GRIA3: variants seen among roughly 807,000 people sequenced by gnomAD.
GRIA3 encodes the protein glutamate ionotropic receptor AMPA type subunit 3.
In GRIA3, 3 loss-of-function variants were observed where a neutral mutation model predicts 63.0. The observed-to-expected ratio is 0.05, with a 90% CI of 0.02 to 0.12. The LOEUF is 0.12. GRIA3 is among the 10% of genes least tolerant of loss of function. The pLI, the probability that GRIA3 is intolerant of heterozygous loss-of-function variation, is 1.00. For missense variants in GRIA3, 347 were observed against 700.9 expected, an observed-to-expected ratio of 0.50 and a Z score of 5.70; for synonymous variants, 274 against 257.9, an observed-to-expected ratio of 1.06 and a Z score of -0.60.
intron 7 of GRIA3, among the ~76,000 whole-genome samples, chrX:123,399,853 G>C (rs1046218026): frequency 1.3e-4 from 15 of 111,749 alleles, no homozygotes; most frequent in Non-Finnish European, 3.8e-5. Flanking sequence ...AGTAGCCCTT[G>C]TGTCTCTCTT....
intron 2 of GRIA3, among the ~76,000 whole-genome samples, chrX:123,200,237 G>T (rs1209522651): frequency 9.1e-6 from 1 of 110,135 alleles, no homozygotes; most frequent in African/African-American, 3.3e-5. Flanking sequence ...GAAAACACTT[G>T]TATTATTATA....
At chrX:123,292,604 C>T (rs988037375) in intron 3 of GRIA3, among the ~76,000 whole-genome samples, 2 of 111,346 alleles carry the variant, frequency 1.8e-5, no homozygotes, top group Non-Finnish European at 3.8e-5. Flanking sequence ...GATAAATAAA[C>T]GGCTCTCACA....
At chrX:123,473,826 T>A (rs1344834369) in intron 13 of GRIA3, among the ~76,000 whole-genome samples, 1 of 112,089 alleles carries the variant, frequency 8.9e-6, no homozygotes, top group Non-Finnish European at 1.9e-5. Context: ...TAATTGACTA[T>A]GCAAATGCAC....
At chrX:123,268,170 C>T (rs918821948) in intron 3 of GRIA3, among the ~76,000 whole-genome samples, 1 of 111,737 alleles carries the variant, frequency 8.9e-6, no homozygotes, top group African/African-American at 3.2e-5. Context: ...ATGTTTTATA[C>T]TTGCTTAAGA....
chrX:123,380,406 A>ATT (rs199853650), intron 5 of GRIA3, among the ~76,000 whole-genome samples: 1 of 110,905 alleles, frequency 9.0e-6, no homozygotes, highest in African/African-American at 3.3e-5. Context: ...GATGATGAGC[A>ATT]TTTTTTTCAT....
At chrX:123,264,251 G>A (rs779901289) in intron 3 of GRIA3, among the ~76,000 whole-genome samples, 1 of 112,217 alleles carries the variant, frequency 8.9e-6, no homozygotes, top group African/African-American at 3.2e-5. Context: ...GGAGCATTCT[G>A]TCTGGTTTCA....
intron 4 of GRIA3, among the ~76,000 whole-genome samples, chrX:123,328,711 C>T (rs5911592): frequency 0.19 from 21,507 of 110,932 alleles, 1,656 homozygotes; most frequent in Non-Finnish European, 0.22. Context: ...AAGAACATTT[C>T]AGAAGTTCCA....
At position 123,229,786 on chromosome X, in the gene GRIA3, T is replaced by C. The variant is rs1361779081; in HGVS notation, c.269-23517T>C. ...GTCATTGGCTTAGTGAGATAAGTCA[T>C]TGTAGCTTAACAGAAAGATAATAGC... On this transcript the variant is annotated intron_variant, in intron 2 of 15. Transcript: ENST00000620443. Among the ~76,000 whole-genome samples, 4 of 112,058 alleles carry C rather than the reference T, an allele frequency of 3.6e-5. No homozygotes were observed. In the Admixed American group the frequency reaches 3.8e-4, roughly 11 times the overall value.
At chrX:123,397,635 T>C (rs1472270897) in intron 6 of GRIA3, among the ~76,000 whole-genome samples, 6 of 112,117 alleles carry the variant, frequency 5.4e-5, no homozygotes, top group Non-Finnish European at 1.1e-4. Context: ...GAAAGACAAG[T>C]AACGTGAGAA....
At chrX:123,187,751 TC>T (rs1166445724) in intron 2 of GRIA3, among the ~76,000 whole-genome samples, 2 of 112,044 alleles carry the variant, frequency 1.8e-5, no homozygotes, top group African/African-American at 6.5e-5. Flanking sequence ...AGGTTTTTGG[TC>T]CTGTTCTTAT....
intron 3 of GRIA3, among the ~76,000 whole-genome samples, chrX:123,295,643 G>T (rs1437843044): frequency 1.8e-5 from 2 of 111,344 alleles, no homozygotes; most frequent in Admixed American, 9.6e-5. Context: ...CATGGCCCAT[G>T]CTGGAGCTAG....
At chrX:123,295,947 T>G (rs770891155) in intron 3 of GRIA3, among the ~76,000 whole-genome samples, 1 of 111,844 alleles carries the variant, frequency 8.9e-6, no homozygotes, top group African/African-American at 3.2e-5. Context: ...ATAAAAGGTA[T>G]TCCACACATG....
chrX:123,293,397 G>C (rs1190573171), intron 3 of GRIA3, among the ~76,000 whole-genome samples: 1 of 111,491 alleles, frequency 9.0e-6, no homozygotes, highest in Non-Finnish European at 1.9e-5. Flanking sequence ...AAAGTAGAAG[G>C]TTTGAGGAAG....
At chrX:123,296,567 CACAA>C (rs1383940215) in intron 3 of GRIA3, among the ~76,000 whole-genome samples, 8 of 111,361 alleles carry the variant, frequency 7.2e-5, no homozygotes, top group Non-Finnish European at 1.5e-4. Flanking sequence ...ATTACTTTGA[CACAA>C]ACAATTACTC....
intron 10 of GRIA3, among the ~76,000 whole-genome samples, chrX:123,408,064 C>T (rs2045485668): frequency 9.0e-6 from 1 of 110,933 alleles, no homozygotes; most frequent in African/African-American, 3.3e-5. Flanking sequence ...CAGGTTCAAG[C>T]GATTCTCCTG....
chrX:123,463,614 A>C (rs76537490), intron 12 of GRIA3, among the ~76,000 whole-genome samples: 1 of 10,617 alleles, frequency 9.4e-5, no homozygotes. Context: ...GAGGGAGGGA[A>C]AGAAAGAAAG....
rs2044402533 is a variant in GRIA3, at chrX:123,253,504, A to G, written c.470A>G (p.Lys157Arg). ...GAILSLLGHYKWEKFVYLYDT... is the reference protein window; with the variant it reads ...GAILSLLGHYRWEKFVYLYDT... Reference sequence around the variant, plus strand: ...ATTCTGAGTCTTCTGGGTCATTACAAGTGGGAGAAGTTTGTGTACCTCTAT... The same window carrying G: ...ATTCTGAGTCTTCTGGGTCATTACAGGTGGGAGAAGTTTGTGTACCTCTAT... The change falls in exon 3 of 16, where the codon AAG becomes AGG. Residue 157 changes from lysine to arginine, a missense_variant. Coordinates refer to ENST00000620443, the MANE Select transcript of GRIA3 (RefSeq NM_007325.5). 1 of 1,206,422 alleles carries G rather than the reference A, an allele frequency of 8.3e-7. No individual in the cohort carries two copies. Among genetic ancestry groups the G allele is most frequent in the Non-Finnish European group, 1.1e-6 (1 of 892,148 alleles).
intron 12 of GRIA3, among the ~76,000 whole-genome samples, chrX:123,448,060 G>T (rs2045712147): frequency 8.9e-6 from 1 of 111,820 alleles, no homozygotes; most frequent in Non-Finnish European, 1.9e-5. Flanking sequence ...GAAACTTAAG[G>T]AGTGCACCTT....
Position 123,184,572 on chromosome X carries a change from C to A in GRIA3, c.37C>A (p.Arg13=), listed in dbSNP as rs904955347. 7.4e-6 allele frequency: 9 copies of A among 1,210,188 alleles called. No individual in the cohort carries two copies. The highest frequency in any genetic ancestry group is 1.0e-5 in the Non-Finnish European group (9 of 894,444). ...GAAGAAAATGGGGCAAAGCGTGCTC[C>A]GGGCGGTCTTCTTTTTAGTCCTGGG... ...RQKKMGQSVL[R]AVFFLVLGLL... Residue 13 remains arginine, a synonymous_variant, in exon 1 of 16, where the codon CGG becomes AGG. Coordinates refer to ENST00000620443, the MANE Select transcript of GRIA3 (RefSeq NM_007325.5).
Sources: gnomAD v4.1 joint callset for allele counts (sites outside exome capture counted in the v4.1 genomes callset) on GRCh38, gnomAD v4.1.1 for gene constraint, MANE v1.5 for transcripts, NCBI Gene and HGNC (gene_info 2026-07-23, HGNC 2026-07-21) for gene names.